Variants in ERBIN observed in about 807,000 individuals in gnomAD.
ERBIN encodes erbb2 interacting protein.
A neutral mutation model predicts 158.4 loss-of-function variants in ERBIN; 60 were observed. The ratio of observed to expected loss-of-function variants is 0.38; its 90% CI spans 0.31 to 0.47. The LOEUF (loss-of-function observed/expected upper bound fraction) is 0.47. Among genes scored for constraint, ERBIN ranks in the 20% least tolerant of loss-of-function variants. The probability of loss-of-function intolerance (pLI) is 0.99; values close to 1 mark genes in which losing one functional copy is unlikely to be tolerated. For synonymous variants in ERBIN, 594 were observed against 557.2 expected (o/e 1.07, Z -0.93); for missense variants, 1,610 against 1,648.0 (o/e 0.98, Z 0.40).
intron 17 of ERBIN, among the ~76,000 whole-genome samples, chr5:66,045,177 C>A (rs924786148): frequency 6.6e-6 from 1 of 152,038 alleles, no homozygotes; most frequent in Admixed American, 6.5e-5. Flanking sequence ...TATGATCATG[C>A]CACAGCACTC....
At chr5:66,004,609 G>T (rs187202753) in intron 4 of ERBIN, among the ~76,000 whole-genome samples, 1 of 152,008 alleles carries the variant, frequency 6.6e-6, no homozygotes, top group Admixed American at 6.6e-5. Context: ...CGCCATGTTG[G>T]CCAGGCTGGC....
At chr5:65,939,507 TCCCTCTCCCTCTCCCTTTCCCTCTCCC>T (rs373519216) in intron 1 of ERBIN, among the ~76,000 whole-genome samples, 5,970 of 151,736 alleles carry the variant, frequency 0.039, 386 homozygotes, top group African/African-American at 0.14. Context: ...GCCTCCGCTC[TCCCTCTCCCTCTCCCTTTCCCTCTCCC>T]CCCTCTCCCT....
At chr5:66,013,461 T>C in intron 5 of ERBIN, 88 bp from the exon 6 acceptor site, 1 of 964,260 alleles carries the variant, frequency 1.0e-6, no homozygotes, top group Admixed American at 2.0e-5. Flanking sequence ...TTCTGTCTGT[T>C]GGGAAAATAT....
chr5:65,930,946 C>G (rs943600776), intron 1 of ERBIN, among the ~76,000 whole-genome samples: 1 of 152,130 alleles, frequency 6.6e-6, no homozygotes, highest in Admixed American at 6.5e-5. Flanking sequence ...AAATTTTGTT[C>G]CAGACACCAT....
chr5:66,045,989 T>C (rs1758404798), intron 17 of ERBIN, among the ~76,000 whole-genome samples: 1 of 152,306 alleles, frequency 6.6e-6, no homozygotes, highest in East Asian at 1.9e-4. Flanking sequence ...ACAAAAGTTT[T>C]ACCATGTCAT....
In ERBIN at chr5:66,080,977, GT is replaced by G. The variant is rs1391606949; in HGVS notation, c.*2448del. On this transcript the variant is annotated 3_prime_UTR_variant, in exon 26 of 26. Coordinates refer to ENST00000284037, the MANE Select transcript of ERBIN (RefSeq NM_001253697.2). The stretch of plus-strand genomic sequence containing the variant: ...AAGGACTTTGAATTAGAATTTTGCT[GT>G]AATAAAGTTTCAAAATTTGAATAAA... 6.6e-6 allele frequency: 1 copy of G among 151,960 alleles called. No individual in the cohort carries two copies. The highest frequency in any genetic ancestry group is 1.5e-5 in the Non-Finnish European group (1 of 67,870). The allele number at this position is 151,960 out of a possible 1,614,324, so 9.4% of individuals were successfully genotyped here. A position where few individuals can be genotyped will look rare whatever the true frequency, so the allele number is the denominator to read the frequency against.
intron 4 of ERBIN, among the ~76,000 whole-genome samples, chr5:65,997,742 T>C (rs1267414637): frequency 6.6e-6 from 1 of 152,192 alleles, no homozygotes; most frequent in African/African-American, 2.4e-5. Flanking sequence ...GTAATCATAT[T>C]CCACAGCTCT....
chr5:65,992,789 T>C lies in ERBIN; in HGVS notation c.71T>C (p.Val24Ala). 1 of 1,613,326 alleles carries C rather than the reference T, an allele frequency of 6.2e-7. No homozygotes were observed. The highest frequency in any genetic ancestry group is 8.5e-7 in the Non-Finnish European group (1 of 1,179,380). Residue 24 changes from valine to alanine, a missense_variant, in exon 3 of 26, where the codon GTC (valine) becomes GCC (alanine). Coordinates refer to ENST00000284037, the MANE Select transcript of ERBIN (RefSeq NM_001253697.2). ...CRCLRGEEETVTTLDYSHCSL... is the reference protein window; with the variant it reads ...CRCLRGEEETATTLDYSHCSL... Reference sequence around the variant, plus strand: ...TGTCTACGAGGGGAAGAGGAGACTGTCACTACTCTTGATTATTCTCATTGC... The same window carrying C: ...TGTCTACGAGGGGAAGAGGAGACTGCCACTACTCTTGATTATTCTCATTGC...
intron 1 of ERBIN, among the ~76,000 whole-genome samples, chr5:65,954,349 G>T (rs563528121): frequency 6.6e-6 from 1 of 152,258 alleles, no homozygotes; most frequent in African/African-American, 2.4e-5. Flanking sequence ...AGTCTTTTTA[G>T]TCTATGCATT....
Position 65,932,075 on chromosome 5 carries a change from C to T in ERBIN, c.-58+5269C>T, listed in dbSNP as rs193169330. Among the ~76,000 whole-genome samples the T allele has an allele frequency of 2.7e-3, 415 of 152,140 alleles. 3 individuals are homozygous for T. Among genetic ancestry groups the T allele is most frequent in the African/African-American group, 9.8e-3 (407 of 41,548 alleles). On this transcript the variant is annotated intron_variant, in intron 1 of 25. Transcript: ENST00000284037. ...TCAGGTGATCTGCCCGCCTCGGCCT[C>T]CCAAAGTGCTGGGATTACAGGCGTG...
intron 15 of ERBIN, among the ~76,000 whole-genome samples, chr5:66,040,976 T>A (rs548922884): frequency 1.3e-5 from 2 of 152,068 alleles, no homozygotes; most frequent in Middle Eastern, 6.8e-3. Context: ...AAGTATGCCT[T>A]CATATAACAA....
At chr5:66,001,409 C>A (rs1351995934) in intron 4 of ERBIN, among the ~76,000 whole-genome samples, 1 of 152,222 alleles carries the variant, frequency 6.6e-6, no homozygotes, top group East Asian at 1.9e-4. Context: ...TCTTTAAAAG[C>A]ACTTGCTTTT....
rs1346604045 is a variant in ERBIN, at chr5:66,037,395, TGACTTGGGGTGGATGAGGTAG to T, written c.1207-985_1207-965del. Among the ~76,000 whole-genome samples the T allele has an allele frequency of 1.6e-4, 24 of 152,288 alleles. No homozygotes were observed. The East Asian group carries it at 2.1e-3, about 13-fold the overall frequency. ...CATTGTAAGCGCTACCCTCACCTCCTGACTTGGGGTGGATGAGGTAGGAGAGAATAAAACACCTGTATTTGA... is the reference window on the plus strand; with the variant it reads ...CATTGTAAGCGCTACCCTCACCTCCTGAGAGAATAAAACACCTGTATTTGA... On this transcript the variant is annotated intron_variant, in intron 14 of 25. Transcript: ENST00000284037.
At chr5:66,056,504 A>G (rs1052573091) in intron 21 of ERBIN, among the ~76,000 whole-genome samples, 39 of 151,888 alleles carry the variant, frequency 2.6e-4, no homozygotes, top group African/African-American at 9.4e-4. Context: ...ATAAGAAGCA[A>G]GTAGTAACTA....
At position 65,941,592 on chromosome 5, in the gene ERBIN, CTTTA is replaced by C. The variant is rs200049345; in HGVS notation, c.-58+14791_-58+14794del. Among the ~76,000 whole-genome samples, 363 of 151,650 alleles carry C rather than the reference CTTTA, an allele frequency of 2.4e-3. 4 individuals are homozygous for C. The East Asian group carries it at 0.033, about 14-fold the overall frequency. ...TCATTAAATGACAGTTATTTTGAGC[CTTTA>C]TTTAATTATTGTAGTAGGCTTGATG... is the stretch of plus-strand genomic sequence containing the variant. On this transcript the variant is annotated intron_variant, in intron 1 of 25. Coordinates refer to ENST00000284037, the MANE Select transcript of ERBIN (RefSeq NM_001253697.2).
chr5:66,082,233 C>G lies in ERBIN; in HGVS notation c.*3703C>G, dbSNP rs1218043597. ...GTTAGAGAATGTTTAGAGAAAACAC[C>G]TGAAATTTTTTTTAAGAGAACAACC... On this transcript the variant is annotated 3_prime_UTR_variant, in exon 26 of 26. Transcript: ENST00000284037. 6.6e-6 allele frequency: 1 copy of G among 152,088 alleles called. No homozygotes were observed. Among genetic ancestry groups the G allele is most frequent in the African/African-American group, 2.4e-5 (1 of 41,418 alleles). 9.4% of individuals were successfully genotyped at this position (152,088 alleles called of 1,614,324 possible).
intron 9 of ERBIN, among the ~76,000 whole-genome samples, chr5:66,023,637 A>G (rs1163665672): frequency 5.3e-5 from 8 of 151,158 alleles, no homozygotes; most frequent in African/African-American, 1.9e-4. Flanking sequence ...TGCCCAAGGA[A>G]TTGGTAAACT....
At chr5:66,013,837 A>T (rs1049012160) in intron 6 of ERBIN, among the ~76,000 whole-genome samples, 199 bp downstream of exon 6, 1 of 152,152 alleles carries the variant, frequency 6.6e-6, no homozygotes, top group Admixed American at 6.6e-5. Context: ...AGAGTTTGAA[A>T]GAAAAAAAAA....
intron 13 of ERBIN, among the ~76,000 whole-genome samples, chr5:66,027,884 T>C (rs1756445260): frequency 6.6e-6 from 1 of 152,070 alleles, no homozygotes. Flanking sequence ...TAGCAAACTA[T>C]CACTAAGAGT....
Sources: gnomAD v4.1 joint callset for allele counts (sites outside exome capture counted in the v4.1 genomes callset) on GRCh38, gnomAD v4.1.1 for gene constraint, MANE v1.5 for transcripts, NCBI Gene and HGNC (gene_info 2026-07-23, HGNC 2026-07-21) for gene names.